Variants in TPO observed in about 807,000 individuals in gnomAD.
TPO encodes thyroid peroxidase.
TPO carries 78 observed loss-of-function variants against 96.9 expected under a neutral mutation model. The ratio of observed to expected loss-of-function variants is 0.81; its 90% CI spans 0.67 to 0.97. TPO has a LOEUF of 0.97. TPO is among the 50% of genes least tolerant of loss of function. The probability of loss-of-function intolerance (pLI) is 0.00; values close to 1 mark genes in which losing one functional copy is unlikely to be tolerated. For missense variants in TPO, 1,252 were observed against 1,274.8 expected (o/e 0.98, Z 0.27); for synonymous variants, 547 against 538.0 (o/e 1.02, Z -0.23).
At position 1,436,259 on chromosome 2, in the gene TPO, A is replaced by C; in HGVS notation, c.357A>C (p.Leu119Phe). ...TQQSQHPTDA[L>F]SEDLLSIIAN... ...GTTTCCTATTTTTCACAGATGCTTT[A>C]TCAGAAGATCTGCTGAGCATCATTG... is the stretch of plus-strand genomic sequence containing the variant. Residue 119 changes from leucine (L) to phenylalanine (F), a missense_variant, in exon 5 of 17, where the codon TTA (leucine) becomes TTC (phenylalanine). Coordinates refer to ENST00000329066, the MANE Select transcript of TPO (RefSeq NM_001206744.2). 6.2e-7 allele frequency: 1 copy of C among 1,614,204 alleles called. No homozygotes were observed. Among genetic ancestry groups the C allele is most frequent in the Non-Finnish European group, 8.5e-7 (1 of 1,180,044 alleles).
intron 13 of TPO, among the ~76,000 whole-genome samples, chr2:1,497,547 C>G (rs1672480913): frequency 1.3e-5 from 2 of 152,196 alleles, no homozygotes; most frequent in Non-Finnish European, 1.5e-5. Flanking sequence ...CCAACTACTT[C>G]AGAACTGCCC....
chr2:1,529,979 TCACTGTGTGCAACCTCGCCCAATCACGA>T (rs1255802391), intron 15 of TPO, among the ~76,000 whole-genome samples: 3 of 64,304 alleles, frequency 4.7e-5, no homozygotes, highest in Admixed American at 2.3e-4. Flanking sequence ...AAAACACCCC[TCACTGTGTGCAACCTCGCCCAATCACGA>T]CACTGTGTGC....
At chr2:1,527,828 A>ATACTGTGTGCAACCTCCTCAAATCCCCG (rs375347178) in intron 15 of TPO, among the ~76,000 whole-genome samples, 5 of 41,912 alleles carry the variant, frequency 1.2e-4, no homozygotes, top group African/African-American at 3.0e-4. Context: ...TCAAATCCCC[A>ATACTGTGTGCAACCTCCTCAAATCCCCG]TACTGTGTGC....
At chr2:1,410,212 G>A (rs1662312398), upstream of TPO, among the ~76,000 whole-genome samples, 1 of 152,196 alleles carries the variant, frequency 6.6e-6, no homozygotes, top group Non-Finnish European at 1.5e-5. Context: ...GTGTTTACAT[G>A]TATGAAAACA....
chr2:1,499,703 A>T (rs756622856), intron 13 of TPO, among the ~76,000 whole-genome samples: 1 of 152,108 alleles, frequency 6.6e-6, no homozygotes, highest in Non-Finnish European at 1.5e-5. Context: ...ACCCCATGAG[A>T]CTGTGTATAT....
rs773116257 is a variant in TPO, at chr2:1,496,554, C to A, written c.2216-41C>A. The A allele has an allele frequency of 2.5e-6, 4 of 1,612,428 alleles. No individual in the cohort carries two copies. The South Asian group carries it at 4.4e-5, about 18-fold the overall frequency. ...GGACGTTGGTGTGTGGTTTTCTTTT[C>A]TCGTAGTTTGACTACATGTCAACCT... is the stretch of plus-strand genomic sequence containing the variant. On this transcript the variant is annotated intron_variant, in intron 12 of 16. Transcript: ENST00000329066.
chr2:1,453,724 G>A lies in TPO; in HGVS notation c.513G>A (p.Thr171=), dbSNP rs550013663. ...ACCCCAGATGGGGCGCCTCCAACACGGCCCTGGCACGATGGCTCCCTCCAG... is the reference window on the plus strand; with the variant it reads ...ACCCCAGATGGGGCGCCTCCAACACAGCCCTGGCACGATGGCTCCCTCCAG... The part of the protein sequence containing the change: ...RDHPRWGASN[T]ALARWLPPVY... The change falls in exon 6 of 17, where the codon ACG becomes ACA. Residue 171 remains threonine, a synonymous_variant. Coordinates refer to ENST00000329066, the MANE Select transcript of TPO (RefSeq NM_001206744.2). 6.8e-6 allele frequency: 11 copies of A among 1,613,884 alleles called. 1 individual carries two copies. In the African/African-American group the frequency reaches 8.0e-5, roughly 12 times the overall value.
intron 15 of TPO, among the ~76,000 whole-genome samples, chr2:1,518,661 A>G (rs993978556): frequency 7.9e-5 from 12 of 152,222 alleles, no homozygotes; most frequent in Admixed American, 2.0e-4. Flanking sequence ...CTTCTAACAA[A>G]ACTAACATAC....
chr2:1,524,134 A>G (rs1675853193), intron 15 of TPO, among the ~76,000 whole-genome samples: 1 of 107,184 alleles, frequency 9.3e-6, no homozygotes, highest in African/African-American at 3.8e-5. Flanking sequence ...AATACCCCCA[A>G]CTCTGTGCAA....
At chr2:1,466,964 G>A (rs555408160) in intron 7 of TPO, among the ~76,000 whole-genome samples, 2 of 152,060 alleles carry the variant, frequency 1.3e-5, no homozygotes, top group East Asian at 3.9e-4. Context: ...AATTCCTTAA[G>A]GTGTAACCTT....
intron 14 of TPO, among the ~76,000 whole-genome samples, chr2:1,507,851 C>CT (rs1448152010): frequency 6.6e-6 from 1 of 152,106 alleles, no homozygotes; most frequent in Non-Finnish European, 1.5e-5. Context: ...TTGACTTCCT[C>CT]TTTTCCTAAT....
intron 14 of TPO, among the ~76,000 whole-genome samples, chr2:1,510,729 CTAA>C: frequency 6.6e-6 from 1 of 152,278 alleles, no homozygotes; most frequent in East Asian, 1.9e-4. Flanking sequence ...GCACATGAGC[CTAA>C]GACCATTCTG....
intron 1 of TPO, among the ~76,000 whole-genome samples, chr2:1,395,036 A>C (rs1316903537): frequency 6.6e-6 from 1 of 151,692 alleles, no homozygotes; most frequent in Non-Finnish European, 1.5e-5. Flanking sequence ...AGGATGAAAA[A>C]AAATTGCAGT....
At chr2:1,470,135 A>G (rs965825596) in intron 7 of TPO, among the ~76,000 whole-genome samples, 5 of 152,196 alleles carry the variant, frequency 3.3e-5, no homozygotes, top group African/African-American at 1.2e-4. Context: ...TTATTTTCCA[A>G]TGCGGTAAAG....
In TPO at chr2:1,433,580, A is replaced by G; in HGVS notation, c.322A>G (p.Lys108Glu). The change falls in exon 4 of 17, where the codon AAA becomes GAA. Residue 108 changes from lysine to glutamate, a missense_variant. Transcript: ENST00000329066. Reference sequence around the variant, plus strand: ...AGCGATGAAAAGAAAAGTCAACCTGAAAACTCAACAATCACAGCATCCAAC... The same window carrying G: ...AGCGATGAAAAGAAAAGTCAACCTGGAAACTCAACAATCACAGCATCCAAC... ...IQAMKRKVNL[K>E]TQQSQHPTDA... 1.9e-6 allele frequency: 3 copies of G among 1,614,118 alleles called. No homozygotes were observed. The highest frequency in any genetic ancestry group is 2.5e-6 in the Non-Finnish European group (3 of 1,180,018).
intron 2 of TPO, among the ~76,000 whole-genome samples, chr2:1,420,474 A>G (rs1558261912): frequency 1.3e-5 from 2 of 152,186 alleles, no homozygotes. Context: ...TCTGGTACCT[A>G]AAGATCAGCA....
intron 15 of TPO, among the ~76,000 whole-genome samples, chr2:1,535,126 C>G (rs1420635600): frequency 2.1e-5 from 2 of 95,948 alleles, no homozygotes; most frequent in Non-Finnish European, 4.3e-5. Flanking sequence ...CACATCCCCC[C>G]ACTCTGTGCA....
intron 15 of TPO, among the ~76,000 whole-genome samples, chr2:1,523,942 A>C (rs1325497042): frequency 9.9e-6 from 1 of 101,400 alleles, no homozygotes; most frequent in Non-Finnish European, 1.8e-5. Context: ...TACTGTGTGC[A>C]ACCTTCCCAA....
At chr2:1,511,914 TAGA>T (rs1432767389) in intron 14 of TPO, among the ~76,000 whole-genome samples, 4 of 152,256 alleles carry the variant, frequency 2.6e-5, no homozygotes, top group African/African-American at 4.8e-5. Context: ...AATAAAACTT[TAGA>T]AGAAGTGTAT....
Sources: allele counts gnomAD v4.1 joint callset (sites outside exome capture counted in the v4.1 genomes callset), GRCh38; gene constraint gnomAD v4.1.1; transcripts MANE v1.5; gene names NCBI Gene and HGNC (gene_info 2026-07-23, HGNC 2026-07-21).